DLGAP1: variants seen among roughly 807,000 people sequenced by gnomAD.
DLGAP1 encodes DLG associated protein 1, also known as disks large-associated protein 1.
A neutral mutation model predicts 90.8 loss-of-function variants in DLGAP1; 11 were observed. The observed-to-expected ratio is 0.12, with a 90% CI of 0.08 to 0.20. DLGAP1 has a LOEUF of 0.20. Among genes scored for constraint, DLGAP1 ranks in the 10% least tolerant of loss-of-function variants. The pLI is 1.00. For synonymous variants in DLGAP1, 558 were observed against 540.7 expected (o/e 1.03, Z -0.44); for missense variants, 1,050 against 1,333.8 (o/e 0.79, Z 3.31).
intron 1 of DLGAP1, among the ~76,000 whole-genome samples, chr18:4,162,033 C>A (rs1323420621): frequency 6.6e-6 from 1 of 152,102 alleles, no homozygotes; most frequent in Non-Finnish European, 1.5e-5. Flanking sequence ...AAAATGTATT[C>A]ATACATTCAA....
chr18:4,164,862 CT>C (rs1568429304), intron 1 of DLGAP1, among the ~76,000 whole-genome samples: 1 of 151,772 alleles, frequency 6.6e-6, no homozygotes, highest in Admixed American at 6.6e-5. Context: ...AAAAAAGAAC[CT>C]TGGTAGATGG....
intron 1 of DLGAP1, among the ~76,000 whole-genome samples, chr18:4,231,916 T>C (rs763992438): frequency 1.7e-4 from 26 of 152,170 alleles, no homozygotes; most frequent in Non-Finnish European, 2.5e-4. Context: ...TCTGTGGCTA[T>C]TGGTCGATGT....
intron 3 of DLGAP1, among the ~76,000 whole-genome samples, chr18:3,943,954 C>G (rs1010263806): frequency 6.6e-6 from 1 of 152,198 alleles, no homozygotes; most frequent in Non-Finnish European, 1.5e-5. Context: ...CAGAACAACT[C>G]AACCCTGTGA....
intron 1 of DLGAP1, among the ~76,000 whole-genome samples, chr18:4,422,295 C>G (rs1323105809): frequency 2.0e-5 from 3 of 151,642 alleles, no homozygotes; most frequent in Non-Finnish European, 2.9e-5. Context: ...GCCATGTTTA[C>G]TGACATATAA....
intron 1 of DLGAP1, among the ~76,000 whole-genome samples, chr18:4,326,766 C>G (rs1211680251): frequency 6.6e-6 from 1 of 152,124 alleles, no homozygotes. Context: ...AAAACAAATA[C>G]TGCATGTTCT....
At chr18:4,347,425 T>C (rs1265179988) in intron 1 of DLGAP1, among the ~76,000 whole-genome samples, 4 of 152,092 alleles carry the variant, frequency 2.6e-5, no homozygotes, top group Non-Finnish European at 4.4e-5. Context: ...ATATTGTCCA[T>C]GAATATCAAT....
At chr18:3,679,692 C>T (rs1228740386) in intron 7 of DLGAP1, among the ~76,000 whole-genome samples, 1 of 151,218 alleles carries the variant, frequency 6.6e-6, no homozygotes, top group Admixed American at 6.6e-5. Flanking sequence ...ATAATCCCAG[C>T]ACTTTGGGAG....
chr18:3,765,117 C>CTTTTTTTTT (rs921982904), intron 5 of DLGAP1, among the ~76,000 whole-genome samples: 4,291 of 125,750 alleles, frequency 0.034, 263 homozygotes, highest in East Asian at 0.062. Flanking sequence ...CACTTGCAAA[C>CTTTTTTTTT]TTTTTTTTTT....
intron 2 of DLGAP1, among the ~76,000 whole-genome samples, chr18:4,081,583 T>C (rs1237339885): frequency 6.6e-6 from 1 of 152,134 alleles, no homozygotes; most frequent in East Asian, 1.9e-4. Flanking sequence ...GATGAAGTTG[T>C]CTCATCTGCT....
chr18:4,005,779 G>A (rs970419301), intron 2 of DLGAP1, among the ~76,000 whole-genome samples: 7 of 152,304 alleles, frequency 4.6e-5, no homozygotes, highest in Non-Finnish European at 8.8e-5. Flanking sequence ...AAAAGCTACA[G>A]CTTCAAAATC....
chr18:4,034,027 G>C (rs1385388130), intron 2 of DLGAP1, among the ~76,000 whole-genome samples: 17 of 146,870 alleles, frequency 1.2e-4, no homozygotes, highest in Non-Finnish European at 4.5e-5. Flanking sequence ...ATGAGCCACC[G>C]CGCCCGGCCC....
At chr18:3,826,504 C>T (rs1388702782) in intron 4 of DLGAP1, among the ~76,000 whole-genome samples, 1 of 152,136 alleles carries the variant, frequency 6.6e-6, no homozygotes, top group Non-Finnish European at 1.5e-5. Context: ...GGACTCTGCC[C>T]TGGGGTCTGG....
At chr18:3,930,578 C>T (rs1047443215) in intron 3 of DLGAP1, among the ~76,000 whole-genome samples, 2 of 152,078 alleles carry the variant, frequency 1.3e-5, no homozygotes, top group Non-Finnish European at 2.9e-5. Flanking sequence ...TGTACTCAGT[C>T]GCTACCCTGG....
chr18:3,846,740 A>G (rs974318247), intron 4 of DLGAP1, among the ~76,000 whole-genome samples: 8 of 152,234 alleles, frequency 5.3e-5, no homozygotes, highest in African/African-American at 1.9e-4. Flanking sequence ...AATGTCCAGA[A>G]AAGGCAGAAT....
chr18:3,811,910 T>C (rs1415432218), intron 5 of DLGAP1, among the ~76,000 whole-genome samples: 1 of 152,208 alleles, frequency 6.6e-6, no homozygotes, highest in African/African-American at 2.4e-5. Context: ...CAGAGCACTC[T>C]TCTCATCTTC....
At position 3,813,713 on chromosome 18, in the gene DLGAP1, G is replaced by A. The variant is rs187716287; in HGVS notation, c.1172+346C>T. Among the ~76,000 whole-genome samples, 5 of 152,100 alleles carry A rather than the reference G, an allele frequency of 3.3e-5. No homozygotes were observed. In the East Asian group the frequency reaches 7.7e-4, roughly 24 times the overall value. On this transcript the variant is annotated intron_variant, in intron 5 of 12. Transcript: ENST00000315677. ...GTGTGTACTTCGTGCCTGAGCAAAC[G>A]TTCAAGAATTGGGATACATGTATAT... is the stretch of plus-strand genomic sequence containing the variant.
At chr18:4,446,602 GAACTA>G (rs1474646386) in intron 1 of DLGAP1, among the ~76,000 whole-genome samples, 2 of 152,098 alleles carry the variant, frequency 1.3e-5, no homozygotes, top group African/African-American at 4.8e-5. Context: ...AAGTCTTGAA[GAACTA>G]AATAATAATA....
chr18:3,867,736 T>C (rs555319140), intron 4 of DLGAP1, among the ~76,000 whole-genome samples: 16 of 152,202 alleles, frequency 1.1e-4, no homozygotes, highest in Non-Finnish European at 2.4e-4. Flanking sequence ...CAGGAATTGG[T>C]TATCTAGATT....
chr18:4,139,280 G>A (rs35676488), intron 2 of DLGAP1, among the ~76,000 whole-genome samples: 15,667 of 151,596 alleles, frequency 0.1, 942 homozygotes, highest in East Asian at 0.18. Context: ...TCCTTTTAGC[G>A]CTGCTTTCGC....
Sources: allele counts gnomAD v4.1 joint callset (sites outside exome capture counted in the v4.1 genomes callset), GRCh38; gene constraint gnomAD v4.1.1; transcripts MANE v1.5; gene names NCBI Gene and HGNC (gene_info 2026-07-23, HGNC 2026-07-21).